ARHGAP39: variants seen among roughly 807,000 people sequenced by gnomAD.
ARHGAP39 encodes the protein rho GTPase-activating protein 39.
ARHGAP39 carries 44 observed loss-of-function variants against 106.9 expected under a neutral mutation model. That is an observed-to-expected ratio of 0.41 (90% confidence interval 0.32 to 0.53). The LOEUF is 0.53. Among genes scored for constraint, ARHGAP39 ranks in the 20% least tolerant of loss-of-function variants. The probability of loss-of-function intolerance (pLI) is 0.21; values close to 1 mark genes in which losing one functional copy is unlikely to be tolerated. For synonymous variants in ARHGAP39, 768 were observed against 693.2 expected (o/e 1.11, Z -1.69); for missense variants, 1,496 against 1,577.3 (o/e 0.95, Z 0.87).
chr8:144,677,625 C>A (rs1310102569), intron 1 of ARHGAP39, among the ~76,000 whole-genome samples: 1 of 152,070 alleles, frequency 6.6e-6, no homozygotes, highest in Non-Finnish European at 1.5e-5. Context: ...ATGGAAAGAT[C>A]TCTCAAACAT....
chr8:144,596,625 C>T (rs1052954303), intron 2 of ARHGAP39, among the ~76,000 whole-genome samples: 3 of 152,176 alleles, frequency 2.0e-5, no homozygotes, highest in South Asian at 4.1e-4. Context: ...ACGGTGAGCA[C>T]GTGGGGGAGG....
intron 1 of ARHGAP39, among the ~76,000 whole-genome samples, chr8:144,666,307 G>A (rs555347887): frequency 6.6e-6 from 1 of 152,292 alleles, no homozygotes; most frequent in Admixed American, 6.5e-5. Context: ...ATGAGACTTT[G>A]GACTGTGGAC....
upstream of ARHGAP39, among the ~76,000 whole-genome samples, chr8:144,690,077 T>C (rs1822712556): frequency 6.6e-6 from 1 of 151,414 alleles, no homozygotes; most frequent in Admixed American, 6.6e-5. Flanking sequence ...ACCACCGAAC[T>C]CTTTTTCACA....
chr8:144,610,443 G>GGCCC (rs1347426603), intron 1 of ARHGAP39, among the ~76,000 whole-genome samples: 2 of 152,136 alleles, frequency 1.3e-5, no homozygotes, highest in Non-Finnish European at 2.9e-5. Context: ...CGGGCGTGGT[G>GGCCC]GCCCACGCCT....
chr8:144,534,334 A>G, intron 7 of ARHGAP39, 132 bp from the exon 8 acceptor site: 1 of 905,874 alleles, frequency 1.1e-6, no homozygotes, highest in Admixed American at 2.1e-5. Context: ...CCCCCTGCCC[A>G]GCACAGCGGG....
intron 1 of ARHGAP39, among the ~76,000 whole-genome samples, chr8:144,665,291 AAGGGAAACAG>A (rs766686828): frequency 4.6e-5 from 7 of 152,218 alleles, no homozygotes; most frequent in Non-Finnish European, 1.0e-4. Context: ...TCCACTTTAA[AAGGGAAACAG>A]AGCATAGAAG....
chr8:144,623,009 C>T (rs764762091), intron 1 of ARHGAP39, among the ~76,000 whole-genome samples: 2 of 152,256 alleles, frequency 1.3e-5, no homozygotes, highest in African/African-American at 2.4e-5. Context: ...TGGCCCCACT[C>T]GGTCAGGACC....
intron 1 of ARHGAP39, among the ~76,000 whole-genome samples, chr8:144,649,444 C>T (rs995231950): frequency 8.7e-5 from 13 of 149,732 alleles, no homozygotes; most frequent in South Asian, 2.1e-4. Flanking sequence ...AGCGAGACTC[C>T]GTCTCAAAAA....
At chr8:144,571,309 A>T (rs1389063976) in intron 3 of ARHGAP39, among the ~76,000 whole-genome samples, 1 of 152,246 alleles carries the variant, frequency 6.6e-6, no homozygotes, top group Non-Finnish European at 1.5e-5. Flanking sequence ...CATCCCTGGG[A>T]TGCAAGGCTG....
At position 144,545,733 on chromosome 8, in the gene ARHGAP39, G is replaced by C; in HGVS notation, c.2037C>G (p.Val679=). Residue 679 remains valine, a synonymous_variant, in exon 6 of 12, where the codon GTC becomes GTG. Coordinates refer to ENST00000377307, the MANE Select transcript of ARHGAP39 (RefSeq NM_025251.3). ...GCTTGCGCAGCGTGAAAGTGGGGAA[G>C]ACGCAGCTGGAGCTGGGAACGCCGC... is the stretch of plus-strand genomic sequence containing the variant. ...SRSGVPSSSC[V]FPTFTLRKPS... is the part of the protein sequence containing the mutation. 6.2e-7 allele frequency: 1 copy of C among 1,612,072 alleles called. No individual in the cohort carries two copies. The highest frequency in any genetic ancestry group is 8.5e-7 in the Non-Finnish European group (1 of 1,179,686).
chr8:144,675,525 G>A (rs1822210873), intron 1 of ARHGAP39, among the ~76,000 whole-genome samples: 2 of 152,238 alleles, frequency 1.3e-5, no homozygotes, highest in Non-Finnish European at 2.9e-5. Flanking sequence ...CTTAAAGATG[G>A]TGCGTCTGGA....
intron 4 of ARHGAP39, among the ~76,000 whole-genome samples, chr8:144,554,767 G>A (rs1041902831): frequency 1.8e-4 from 28 of 152,204 alleles, no homozygotes; most frequent in Non-Finnish European, 3.8e-4. Context: ...TGGGACCAGG[G>A]CAGGCTCTAA....
chr8:144,621,832 A>G (rs1820815006), intron 1 of ARHGAP39, among the ~76,000 whole-genome samples: 1 of 152,196 alleles, frequency 6.6e-6, no homozygotes, highest in East Asian at 1.9e-4. Flanking sequence ...GAAATAAAAT[A>G]AAACAAAAGC....
intron 1 of ARHGAP39, among the ~76,000 whole-genome samples, chr8:144,630,242 G>A (rs1211040978): frequency 6.6e-6 from 1 of 152,130 alleles, no homozygotes; most frequent in African/African-American, 2.4e-5. Context: ...TCATGTGCTC[G>A]CCCAGGCACA....
rs530520811 is a variant in ARHGAP39, at chr8:144,579,848, T to A, written c.512+998A>T. Among the ~76,000 whole-genome samples the A allele has an allele frequency of 2.0e-5, 3 of 152,196 alleles. No individual in the cohort carries two copies. In the South Asian group the frequency reaches 6.2e-4, roughly 32 times the overall value. On this transcript the variant is annotated intron_variant, in intron 3 of 11. Coordinates refer to ENST00000377307, the MANE Select transcript of ARHGAP39 (RefSeq NM_025251.3). ...CTGGTACTGGGGGAGACCAATCCCC[T>A]GCCTTTCTCTCCCTGGGGTCCAGCC...
chr8:144,656,143 A>C (rs1395068477), intron 1 of ARHGAP39, among the ~76,000 whole-genome samples: 1 of 152,048 alleles, frequency 6.6e-6, no homozygotes, highest in African/African-American at 2.4e-5. Context: ...ATACTGGATA[A>C]AAACTTGAAT....
At position 144,553,831 on chromosome 8, in the gene ARHGAP39, C is replaced by T. The variant is rs989686198; in HGVS notation, c.596+1729G>A. Reference sequence around the variant, plus strand: ...GCAAACACTGGGCTGGGCCGCCCAACGCAGCGGCAAGGCCTCTTCTCCCCG... The same window carrying T: ...GCAAACACTGGGCTGGGCCGCCCAATGCAGCGGCAAGGCCTCTTCTCCCCG... On this transcript the variant is annotated intron_variant, in intron 4 of 11. Coordinates refer to ENST00000377307, the MANE Select transcript of ARHGAP39 (RefSeq NM_025251.3). Among the ~76,000 whole-genome samples the T allele has an allele frequency of 3.9e-5, 6 of 152,374 alleles. No homozygotes were observed. The East Asian group carries it at 5.8e-4, about 15-fold the overall frequency.
In ARHGAP39 at chr8:144,646,965, A is replaced by ATTT. The variant is rs1174032022; in HGVS notation, c.-82+38718_-82+38720dup. On this transcript the variant is annotated intron_variant, in intron 1 of 11. Coordinates refer to ENST00000377307, the MANE Select transcript of ARHGAP39 (RefSeq NM_025251.3). The surrounding 1 kb of genome is among the most constrained non-coding windows in gnomAD (Gnocchi z 5.7). ...TGGAGGCATCTGCTCTGCTCTGACC[A>ATTT]TTTTTTTTTTTTTTTTTTTTTTGAG... Among the ~76,000 whole-genome samples the ATTT allele has an allele frequency of 1.9e-4, 22 of 114,616 alleles. No homozygotes were observed. Among genetic ancestry groups the ATTT allele is most frequent in the East Asian group, 5.2e-4 (2 of 3,850 alleles). 75.2% of individuals were successfully genotyped at this position (114,616 alleles called of 152,430 possible). A position where few individuals can be genotyped will look rare whatever the true frequency, so the allele number is the denominator to read the frequency against.
At chr8:144,603,651 C>T (rs936227916) in intron 2 of ARHGAP39, among the ~76,000 whole-genome samples, 4 of 148,908 alleles carry the variant, frequency 2.7e-5, no homozygotes, top group African/African-American at 1.0e-4. Flanking sequence ...GATCACGCCA[C>T]TGCACTCCAG....
Sources: allele counts gnomAD v4.1 joint callset (sites outside exome capture counted in the v4.1 genomes callset), GRCh38; gene constraint gnomAD v4.1.1; non-coding constraint Gnocchi (gnomAD v3.1); transcripts MANE v1.5; gene names NCBI Gene and HGNC (gene_info 2026-07-23, HGNC 2026-07-21).